ZNF799: variants seen among roughly 807,000 people sequenced by gnomAD.
ZNF799 encodes zinc finger protein 14.
In ZNF799, 28 loss-of-function variants were observed where a neutral mutation model predicts 41.0. The observed-to-expected ratio is 0.68, with a 90% confidence interval of 0.51 to 0.94. The LOEUF is 0.94. Among genes scored for constraint, ZNF799 ranks in the 40% least tolerant of loss-of-function variants. ZNF799 has a pLI of 0.00. For missense variants in ZNF799, 716 were observed against 764.3 expected (o/e 0.94, Z 0.74); for synonymous variants, 213 against 252.9 (o/e 0.84, Z 1.50).
At chr19:12,413,044 C>T in the ZNF799 span, among the ~76,000 whole-genome samples, 3 of 64,536 alleles carry the variant, frequency 4.6e-5, no homozygotes, top group East Asian at 1.2e-3. Context: ...AAGACTCCGT[C>T]TCCAAAAAAA....
the ZNF799 span, among the ~76,000 whole-genome samples, chr19:12,407,275 G>A: frequency 3.3e-5 from 5 of 152,028 alleles, no homozygotes; most frequent in Non-Finnish European, 5.9e-5. Flanking sequence ...GCCAGCCTGG[G>A]CAACATGGTG....
intron 1 of ZNF799, among the ~76,000 whole-genome samples, chr19:12,395,709 CAA>C (rs1374719025): frequency 6.6e-6 from 1 of 152,158 alleles, no homozygotes; most frequent in African/African-American, 2.4e-5. Context: ...CACATTTTCA[CAA>C]AAGACACCGG....
chr19:12,399,252 A>G (rs1274329010), intron 1 of ZNF799, among the ~76,000 whole-genome samples: 1 of 152,234 alleles, frequency 6.6e-6, no homozygotes, highest in Non-Finnish European at 1.5e-5. Context: ...TCACCCTCCC[A>G]GGAGACACTG....
At position 12,391,349 on chromosome 19, in the gene ZNF799, C is replaced by T. The variant is rs1165685815; in HGVS notation, c.1049G>A (p.Ser350Asn). 1 of 1,614,008 alleles carries T rather than the reference C, an allele frequency of 6.2e-7. No homozygotes were observed. Among genetic ancestry groups the T allele is most frequent in the Non-Finnish European group, 8.5e-7 (1 of 1,180,014 alleles). The change falls in exon 4 of 4, where the codon AGT becomes AAT. Residue 350 changes from serine to asparagine, a missense_variant. By Grantham distance (46) the Ser-to-Asn change is conservative. Transcript: ENST00000430385. The part of the protein sequence containing the change: ...KICGKGFDCP[S>N]SLKSHERTHT... ...AGTTCTTTCATGACTTTTCAGTGAA[C>T]TAGGACAATCAAAGCCTTTTCCACA...
At chr19:12,396,904 A>C (rs565745394) in intron 1 of ZNF799, among the ~76,000 whole-genome samples, 59 of 152,282 alleles carry the variant, frequency 3.9e-4, no homozygotes, top group African/African-American at 1.2e-3. Flanking sequence ...AAAATGATAC[A>C]GGTTAGAAAC....
chr19:12,404,626 A>G (rs115640917), upstream of ZNF799, among the ~76,000 whole-genome samples: 1,007 of 152,214 alleles, frequency 6.6e-3, 2 homozygotes, highest in African/African-American at 0.023. Flanking sequence ...CCGAGATCCC[A>G]GTATAAAATC....
chr19:12,402,109 T>C (rs1969998554), upstream of ZNF799, among the ~76,000 whole-genome samples: 1 of 152,262 alleles, frequency 6.6e-6, no homozygotes, highest in Admixed American at 6.5e-5. Flanking sequence ...GATGGGGTCT[T>C]GCTCTGTTGC....
the ZNF799 span, among the ~76,000 whole-genome samples, chr19:12,413,720 C>G: frequency 6.6e-6 from 1 of 152,138 alleles, no homozygotes; most frequent in Non-Finnish European, 1.5e-5. Flanking sequence ...GAGAAAGTTA[C>G]CCCCTGGGGA....
intron 1 of ZNF799, chr19:12,400,789 T>G: frequency 3.4e-6 from 2 of 584,934 alleles, no homozygotes; most frequent in Non-Finnish European, 6.0e-6. Context: ...CTGTGTTGCT[T>G]ACAGCCGCAC....
At position 12,391,055 on chromosome 19, in the gene ZNF799, G is replaced by C; in HGVS notation, c.1343C>G (p.Pro448Arg). 1 of 1,614,108 alleles carries C rather than the reference G, an allele frequency of 6.2e-7. No individual in the cohort carries two copies. Among genetic ancestry groups the C allele is most frequent in the Non-Finnish European group, 8.5e-7 (1 of 1,180,002 alleles). The change falls in exon 4 of 4, where the codon CCC becomes CGC. Residue 448 changes from proline (P) to arginine (R), a missense_variant. Pro to Arg is a moderately radical substitution (Grantham distance 103). This residue lies in a region of ZNF799 where 698 missense variants were observed against 713.6 expected (regional missense o/e 0.98). Transcript: ENST00000430385. ...GGCTTTCCCACATTTGCATTTATAG[G>C]GTTTCTCTCCAGTATGAGTTGTTTC... Reference protein sequence around the residue: ...RHETTHTGEKPYKCKCGKAFI... With the variant: ...RHETTHTGEKRYKCKCGKAFI...
At position 12,390,527 on chromosome 19, in the gene ZNF799, T is replaced by G. The variant is rs778882616; in HGVS notation, c.1871A>C (p.Lys624Thr). Reference sequence around the variant, plus strand: ...AGAAGCAAATGCTTTCCCACATTCCTTACATCCATACGGGTTCTCTCCAGT... The same window carrying G: ...AGAAGCAAATGCTTTCCCACATTCCGTACATCCATACGGGTTCTCTCCAGT... The part of the protein sequence containing the change: ...THTGENPYGC[K>T]ECGKAFASLS... Residue 624 changes from lysine to threonine, a missense_variant, in exon 4 of 4, where the codon AAG becomes ACG. Around this residue, in one of 2 missense-constraint regions of ZNF799, gnomAD observed 698 missense variants for 713.6 expected, o/e 0.98. Coordinates refer to ENST00000430385, the MANE Select transcript of ZNF799 (RefSeq NM_001080821.3). 5 of 1,613,864 alleles carry G rather than the reference T, an allele frequency of 3.1e-6. No individual in the cohort carries two copies. In the Admixed American group the frequency reaches 8.3e-5, roughly 27 times the overall value.
intron 1 of ZNF799, among the ~76,000 whole-genome samples, chr19:12,395,341 CCT>C (rs928430551): frequency 2.6e-5 from 4 of 151,974 alleles, no homozygotes; most frequent in African/African-American, 9.7e-5. Flanking sequence ...GGGGTTTCAC[CCT>C]GTTGGCCAGG....
At chr19:12,396,475 C>T (rs1969895570) in intron 1 of ZNF799, among the ~76,000 whole-genome samples, 1 of 152,246 alleles carries the variant, frequency 6.6e-6, no homozygotes, top group African/African-American at 2.4e-5. Context: ...TGTGGTGAAA[C>T]CCTATCTCTA....
At chr19:12,410,985 G>T in the ZNF799 span, among the ~76,000 whole-genome samples, 5 of 152,160 alleles carry the variant, frequency 3.3e-5, no homozygotes, top group East Asian at 9.6e-4. Flanking sequence ...GGTGAACTCT[G>T]GCAAACACTT....
rs528439523 is a variant in ZNF799, at chr19:12,390,754, T to C, written c.1644A>G (p.Leu548=). 5.0e-6 allele frequency: 8 copies of C among 1,613,172 alleles called. No homozygotes were observed. The highest frequency in any genetic ancestry group is 6.8e-6 in the Non-Finnish European group (8 of 1,179,748). The change falls in exon 4 of 4, where the codon CTA becomes CTG. Residue 548 remains leucine (L), a synonymous_variant. Transcript: ENST00000430385. ...CTCTCATGTGAATTCTTTCATGTCGTAGAAAGCAAGTGAGCCAAGAGAATG... is the reference window on the plus strand; with the variant it reads ...CTCTCATGTGAATTCTTTCATGTCGCAGAAAGCAAGTGAGCCAAGAGAATG... ...GKAFSWLTCF[L]RHERIHMREK...
the ZNF799 span, among the ~76,000 whole-genome samples, chr19:12,406,417 G>A: frequency 6.6e-6 from 1 of 150,954 alleles, no homozygotes; most frequent in African/African-American, 2.4e-5. Flanking sequence ...CTGGGAGGCG[G>A]AGCTTGCAGT....
intron 1 of ZNF799, chr19:12,394,847 G>A: frequency 1.0e-6 from 1 of 985,224 alleles, no homozygotes; most frequent in Non-Finnish European, 1.2e-6. Flanking sequence ...AGAAAGTGCA[G>A]CATTCCAAAA....
chr19:12,400,292 G>A (rs2144908053), intron 1 of ZNF799: 2 of 152,218 alleles, frequency 1.3e-5, no homozygotes, highest in Non-Finnish European at 1.5e-5. Flanking sequence ...GATTCCACCT[G>A]GTGACTCGTC....
Position 12,390,932 on chromosome 19 carries a change from T to G in ZNF799, c.1466A>C (p.Gln489Pro), listed in dbSNP as rs533584665. Residue 489 changes from glutamine to proline, a missense_variant, in exon 4 of 4, where the codon CAA becomes CCA. By Grantham distance (76) the Gln-to-Pro change is moderately conservative (BLOSUM62 -1). Coordinates refer to ENST00000430385, the MANE Select transcript of ZNF799 (RefSeq NM_001080821.3). ...KECGKAFSCF[Q>P]YLSQHRRTHT... Reference sequence around the variant, plus strand: ...AGTCCTTCTATGTTGAGAAAGGTATTGGAAACAACTGAATGCTTTCCCACA... The same window carrying G: ...AGTCCTTCTATGTTGAGAAAGGTATGGGAAACAACTGAATGCTTTCCCACA... 1 of 1,613,290 alleles carries G rather than the reference T, an allele frequency of 6.2e-7. No individual in the cohort carries two copies. Among genetic ancestry groups the G allele is most frequent in the Admixed American group, 1.7e-5 (1 of 59,956 alleles).
Sources: allele counts gnomAD v4.1 joint callset (sites outside exome capture counted in the v4.1 genomes callset), GRCh38; gene constraint gnomAD v4.1.1; regional missense constraint gnomAD v4.1.1; transcripts MANE v1.5; gene names NCBI Gene and HGNC (gene_info 2026-07-23, HGNC 2026-07-21).